The following TSFM variants were observed in gnomAD, a reference collection of about 807,000 sequenced individuals.
TSFM encodes Ts translation elongation factor, mitochondrial.
Under a neutral mutation model 33.4 loss-of-function variants are expected in TSFM, and 29 were observed. The ratio of observed to expected loss-of-function variants is 0.87; its 90% confidence interval spans 0.65 to 1.18. The LOEUF is 1.18. TSFM is among the 50% of genes most tolerant of loss of function. The pLI is 0.00. For synonymous variants in TSFM, 178 were observed against 163.5 expected, an observed-to-expected ratio of 1.09 and a Z score of -0.68; for missense variants, 394 against 395.6, an observed-to-expected ratio of 1.00 and a Z score of 0.04.
chr12:57,796,401 C>CG lies in TSFM; in HGVS notation c.796_797insG (p.Leu266ArgfsTer9). ...GCAGCATGTGGTGGGCATGGCCCCC[C>CG]TCTCTGTTGGCTCCCTGGACGATGA... is the stretch of plus-strand genomic sequence containing the variant. On this transcript the variant is annotated frameshift_variant, in exon 6 of 6. Transcript: ENST00000652027. LOFTEE classifies it high-confidence loss of function. 16 of 1,602,488 alleles carry CG rather than the reference C, an allele frequency of 1.0e-5. No individual in the cohort carries two copies. The highest frequency in any genetic ancestry group is 1.4e-5 in the Non-Finnish European group (16 of 1,174,356).
chr12:57,791,317 T>C (rs1955659737), intron 4 of TSFM, among the ~76,000 whole-genome samples: 1 of 152,096 alleles, frequency 6.6e-6, no homozygotes, highest in African/African-American at 2.4e-5. Context: ...GCCGGCCAGG[T>C]TCAATTTTAT....
In TSFM at chr12:57,795,895, C is replaced by T. The variant is rs370517248; in HGVS notation, c.572-282C>T. The stretch of plus-strand genomic sequence containing the variant: ...CCTCCCAAAGTGCTGGGATTACAGA[C>T]GTGAGCCACTACACCCGGCCTGTTT... On this transcript the variant is annotated intron_variant, in intron 5 of 5. Coordinates refer to ENST00000652027, the MANE Select transcript of TSFM (RefSeq NM_005726.6). 7.9e-5 allele frequency among the ~76,000 whole-genome samples: 12 copies of T among 152,304 alleles called. No homozygotes were observed. The East Asian group carries it at 2.3e-3, about 29-fold the overall frequency.
At chr12:57,802,447 CAA>C (rs1169840410), downstream of TSFM, 10 of 1,376,136 alleles carry the variant, frequency 7.3e-6, no homozygotes, top group Non-Finnish European at 1.0e-5. Flanking sequence ...CTTTCGTGAG[CAA>C]TTCACAGCCT....
At chr12:57,791,086 T>G (rs1955656614) in intron 4 of TSFM, among the ~76,000 whole-genome samples, 2 of 151,642 alleles carry the variant, frequency 1.3e-5, no homozygotes, top group Non-Finnish European at 2.9e-5. Context: ...CTCAGCTCAC[T>G]ACAGCCACCG....
downstream of TSFM, chr12:57,802,470 T>C (rs1164329591): frequency 1.7e-6 from 2 of 1,198,424 alleles, no homozygotes; most frequent in Non-Finnish European, 2.4e-6. Context: ...CAGAAAACTT[T>C]CTCAGCCTAA....
At chr12:57,785,120 G>C (rs912409023) in intron 2 of TSFM, among the ~76,000 whole-genome samples, 1 of 151,786 alleles carries the variant, frequency 6.6e-6, no homozygotes. Flanking sequence ...TAGAGACAGG[G>C]TTTCACCGTG....
At chr12:57,802,522 T>A (rs1391202346), downstream of TSFM, 1 of 809,810 alleles carries the variant, frequency 1.2e-6, no homozygotes, top group South Asian at 1.4e-5. Flanking sequence ...CAGCTTGATG[T>A]TTATCATTTT....
intron 1 of TSFM, 105 bp from the exon 2 acceptor site, chr12:57,783,005 C>G (rs949644607): frequency 2.7e-5 from 40 of 1,488,664 alleles, no homozygotes; most frequent in Middle Eastern, 1.8e-4. Context: ...GGTGCACCCC[C>G]CTTTGCACAC....
chr12:57,796,152 T>G (rs2140428682), intron 5 of TSFM, 25 bp from the exon 6 acceptor site: 1 of 1,550,912 alleles, frequency 6.4e-7, no homozygotes, highest in Admixed American at 2.0e-5. Context: ...GTTGGTGTGT[T>G]GGTTTTTTGT....
Position 57,797,559 on chromosome 12 carries a change from T to C in TSFM, c.*976T>C, listed in dbSNP as rs1342443197. The C allele has an allele frequency of 1.4e-5, 13 of 913,358 alleles. No homozygotes were observed. Among genetic ancestry groups the C allele is most frequent in the Non-Finnish European group, 1.6e-5 (12 of 762,806 alleles). 56.6% of individuals were successfully genotyped at this position (913,358 alleles called of 1,614,324 possible). A position where few individuals can be genotyped will look rare whatever the true frequency, so the allele number is the denominator to read the frequency against. On this transcript the variant is annotated 3_prime_UTR_variant, in exon 6 of 6. Coordinates refer to ENST00000652027, the MANE Select transcript of TSFM (RefSeq NM_005726.6). ...GTAGGTCCTGGTATAATATTAAACA[T>C]AAAGTTATTAAACATTTTAAGCATT...
At chr12:57,788,097 T>A (rs916907341) in intron 4 of TSFM, among the ~76,000 whole-genome samples, 4 of 152,224 alleles carry the variant, frequency 2.6e-5, no homozygotes, top group East Asian at 3.8e-4. Flanking sequence ...CAACTTTTTT[T>A]ATCTTCTTTA....
chr12:57,784,361 T>C (rs761447567), intron 2 of TSFM, among the ~76,000 whole-genome samples: 63 of 152,358 alleles, frequency 4.1e-4, no homozygotes, highest in Middle Eastern at 6.8e-3. Context: ...TAGTAGACGT[T>C]AAAGCACAGT....
At position 57,796,436 on chromosome 12, in the gene TSFM, A is replaced by G; in HGVS notation, c.831A>G (p.Gly277=). The change falls in exon 6 of 6, where the codon GGA becomes GGG. Residue 277 remains glycine (G), a synonymous_variant. Coordinates refer to ENST00000652027, the MANE Select transcript of TSFM (RefSeq NM_005726.6). ...GCTCCCTGGACGATGAGCCTGGGGG[A>G]GAGGCAGAGACTAAGATGCTGTCCC... is the stretch of plus-strand genomic sequence containing the variant. ...SVGSLDDEPG[G]EAETKMLSQP... is the part of the protein sequence containing the mutation. 2 of 1,600,900 alleles carry G rather than the reference A, an allele frequency of 1.2e-6. No individual in the cohort carries two copies. The highest frequency in any genetic ancestry group is 1.1e-5 in the South Asian group (1 of 89,164).
chr12:57,801,235 A>G, downstream of TSFM: 5 of 1,603,736 alleles, frequency 3.1e-6, 1 homozygote, highest in South Asian at 5.5e-5. Flanking sequence ...GAGAGAAAAC[A>G]CAGGATGAGG....
chr12:57,795,068 G>A (rs1389517474), intron 5 of TSFM, among the ~76,000 whole-genome samples: 1 of 122,240 alleles, frequency 8.2e-6, no homozygotes. Context: ...CCTAGTTAAT[G>A]CTCCATATAT....
chr12:57,801,220 G>A (rs757341365), downstream of TSFM: 2 of 1,611,752 alleles, frequency 1.2e-6, no homozygotes, highest in African/African-American at 2.7e-5. Flanking sequence ...TGCCTGAGAA[G>A]AAGAGAGAGA....
chr12:57,788,925 A>T (rs1955625542), intron 4 of TSFM, among the ~76,000 whole-genome samples: 2 of 151,078 alleles, frequency 1.3e-5, no homozygotes, highest in African/African-American at 4.9e-5. Flanking sequence ...GGGTCACTAC[A>T]GCTGGCCCTA....
chr12:57,784,053 A>C lies in TSFM; in HGVS notation c.231+770A>C, dbSNP rs761752241. 115 of 702,918 alleles carry C rather than the reference A, an allele frequency of 1.6e-4. No homozygotes were observed. The African/African-American group carries it at 1.9e-3, about 11-fold the overall frequency. 43.5% of individuals were successfully genotyped at this position (702,918 alleles called of 1,614,324 possible). ...ATGCACATCATAGAGTACCTACACA[A>C]ACCTAGATGGTATATTGTACTACAA... On this transcript the variant is annotated intron_variant, in intron 2 of 5. Coordinates refer to ENST00000652027, the MANE Select transcript of TSFM (RefSeq NM_005726.6).
downstream of TSFM, chr12:57,797,831 GC>G: frequency 7.5e-7 from 1 of 1,339,056 alleles, no homozygotes; most frequent in Non-Finnish European, 1.0e-6. Flanking sequence ...CCTGATATTG[GC>G]ACTATCTGCT....
Sources: allele counts gnomAD v4.1 joint callset (sites outside exome capture counted in the v4.1 genomes callset), GRCh38; gene constraint gnomAD v4.1.1; transcripts MANE v1.5; gene names NCBI Gene and HGNC (gene_info 2026-07-23, HGNC 2026-07-21).